The following MACROD1 variants were observed in gnomAD, a reference collection of about 807,000 sequenced individuals.
MACROD1 encodes mono-ADP ribosylhydrolase 1.
Under a neutral mutation model 41.4 loss-of-function variants are expected in MACROD1, and 31 were observed. The ratio of observed to expected loss-of-function variants is 0.75; its 90% CI spans 0.56 to 1.01. The LOEUF is 1.01. Among genes scored for constraint, MACROD1 ranks in the 50% least tolerant of loss-of-function variants. The probability of loss-of-function intolerance (pLI) is 0.00; values close to 1 mark genes in which losing one functional copy is unlikely to be tolerated. For synonymous variants in MACROD1, 252 were observed against 203.4 expected, an observed-to-expected ratio of 1.24 and a Z score of -2.03; for missense variants, 473 against 460.0, an observed-to-expected ratio of 1.03 and a Z score of -0.26.
chr11:64,080,034 ATGGAGTCTCACTC>A (rs1590878415), intron 3 of MACROD1, among the ~76,000 whole-genome samples: 2 of 152,106 alleles, frequency 1.3e-5, no homozygotes, highest in African/African-American at 4.8e-5. Context: ...TAATTTTGAG[ATGGAGTCTCACTC>A]TGTCGCCCAG....
intron 3 of MACROD1, among the ~76,000 whole-genome samples, chr11:64,136,030 G>A (rs1590956437): frequency 2.0e-5 from 3 of 152,196 alleles, no homozygotes; most frequent in Non-Finnish European, 4.4e-5. Flanking sequence ...CAAACCCACC[G>A]TCCTGCTCCC....
intron 3 of MACROD1, among the ~76,000 whole-genome samples, chr11:64,051,938 C>T (rs1406689991): frequency 6.6e-6 from 1 of 151,820 alleles, no homozygotes; most frequent in Non-Finnish European, 1.5e-5. Flanking sequence ...ACTCCAAGGC[C>T]ACTGGTGCCC....
intron 3 of MACROD1, among the ~76,000 whole-genome samples, chr11:64,046,351 A>G (rs1444161052): frequency 6.6e-6 from 1 of 152,204 alleles, no homozygotes; most frequent in Non-Finnish European, 1.5e-5. Flanking sequence ...AGAGGCTTAC[A>G]GAGGTGACAA....
chr11:64,006,772 A>G (rs569444375), intron 4 of MACROD1, among the ~76,000 whole-genome samples: 4 of 152,094 alleles, frequency 2.6e-5, no homozygotes, highest in Non-Finnish European at 5.9e-5. Flanking sequence ...TGGGGCGGGA[A>G]GTGAGGTTCA....
intron 3 of MACROD1, among the ~76,000 whole-genome samples, chr11:64,023,858 G>A (rs992132973): frequency 6.6e-6 from 1 of 152,156 alleles, no homozygotes; most frequent in Non-Finnish European, 1.5e-5. Context: ...CCCCATAAAA[G>A]CCTCACAGTT....
At chr11:64,012,782 T>G (rs569331125) in intron 4 of MACROD1, among the ~76,000 whole-genome samples, 119 of 152,330 alleles carry the variant, frequency 7.8e-4, no homozygotes, top group African/African-American at 2.7e-3. Flanking sequence ...GTGATCCACC[T>G]GCCTTGGCCT....
In MACROD1 at chr11:64,152,092, G is replaced by A. The variant is rs570950477; in HGVS notation, c.400+200C>T. The stretch of plus-strand genomic sequence containing the variant: ...TGCAGTGAGCCAAGATCGAGCCATT[G>A]CACTCCAGCCTGCGCAAAAAGAGTG... On this transcript the variant is annotated intron_variant, in intron 2 of 10. Transcript: ENST00000255681. 3.9e-4 allele frequency among the ~76,000 whole-genome samples: 59 copies of A among 152,338 alleles called. 2 individuals are homozygous for A. Among genetic ancestry groups the A allele is most frequent in the Admixed American group, 3.5e-3 (53 of 15,304 alleles).
At chr11:64,140,162 G>GTA (rs972068983) in intron 3 of MACROD1, among the ~76,000 whole-genome samples, 7 of 152,156 alleles carry the variant, frequency 4.6e-5, no homozygotes, top group African/African-American at 1.7e-4. Context: ...TGGCAGCCAG[G>GTA]CCCTGACAGG....
chr11:64,017,771 G>A (rs917731427), intron 3 of MACROD1, among the ~76,000 whole-genome samples: 3 of 151,962 alleles, frequency 2.0e-5, no homozygotes, highest in Admixed American at 6.5e-5. Flanking sequence ...TGCCCTCCTC[G>A]GGACCCCCCC....
chr11:64,061,816 A>T (rs550231166), intron 3 of MACROD1, among the ~76,000 whole-genome samples: 2 of 147,758 alleles, frequency 1.4e-5, no homozygotes, highest in Non-Finnish European at 3.0e-5. Context: ...CCTTCAAGCC[A>T]TCCTCCCACC....
intron 3 of MACROD1, among the ~76,000 whole-genome samples, chr11:64,084,160 G>A (rs1035850765): frequency 2.0e-5 from 3 of 152,154 alleles, no homozygotes; most frequent in Non-Finnish European, 4.4e-5. Context: ...TGGCACGCGC[G>A]CCTTCTGCAG....
At chr11:64,076,989 G>A (rs549234509) in intron 3 of MACROD1, among the ~76,000 whole-genome samples, 12 of 152,232 alleles carry the variant, frequency 7.9e-5, no homozygotes, top group Non-Finnish European at 1.3e-4. Context: ...GCTGAGTGAC[G>A]GATGGGAGCT....
chr11:64,152,104 G>A (rs551453510), intron 2 of MACROD1, among the ~76,000 whole-genome samples, 188 bp downstream of exon 2: 8 of 152,204 alleles, frequency 5.3e-5, no homozygotes, highest in Non-Finnish European at 1.2e-4. Context: ...ACTCCAGCCT[G>A]CGCAAAAAGA....
intron 3 of MACROD1, among the ~76,000 whole-genome samples, chr11:64,138,892 C>G (rs1264421923): frequency 6.6e-6 from 1 of 151,990 alleles, no homozygotes; most frequent in Non-Finnish European, 1.5e-5. Context: ...CTCAGCCTCC[C>G]GAGTAGCTGG....
chr11:64,164,639 G>A (rs1011669097), intron 1 of MACROD1, among the ~76,000 whole-genome samples: 1 of 152,242 alleles, frequency 6.6e-6, no homozygotes, highest in Non-Finnish European at 1.5e-5. Flanking sequence ...ATTCATGTCA[G>A]GAGTAAATCA....
chr11:64,006,277 G>A (rs956913873), intron 4 of MACROD1, among the ~76,000 whole-genome samples: 1 of 152,198 alleles, frequency 6.6e-6, no homozygotes, highest in African/African-American at 2.4e-5. Context: ...AGACCTGAGC[G>A]ATATCCCATT....
chr11:63,999,819 C>A, intron 5 of MACROD1, 56 bp from the exon 6 acceptor site: 1 of 1,558,552 alleles, frequency 6.4e-7, no homozygotes, highest in Non-Finnish European at 8.7e-7. Flanking sequence ...TCAGCTCCCT[C>A]GCTTCCCCCT....
intron 3 of MACROD1, among the ~76,000 whole-genome samples, chr11:64,110,803 T>A (rs1050644228): frequency 2.0e-5 from 3 of 152,122 alleles, no homozygotes; most frequent in East Asian, 1.9e-4. Flanking sequence ...GATGGCCACA[T>A]AAACTATGAA....
chr11:64,132,311 T>C, intron 3 of MACROD1, among the ~76,000 whole-genome samples: 1 of 151,992 alleles, frequency 6.6e-6, no homozygotes, highest in East Asian at 1.9e-4. Context: ...TTTCTCCACC[T>C]GTTTTCAGAT....
Sources: allele counts gnomAD v4.1 joint callset (sites outside exome capture counted in the v4.1 genomes callset), GRCh38; gene constraint gnomAD v4.1.1; transcripts MANE v1.5; gene names NCBI Gene and HGNC (gene_info 2026-07-23, HGNC 2026-07-21).